The following ANKRD33B variants were observed in gnomAD, a reference collection of about 807,000 sequenced individuals.
The protein encoded by ANKRD33B is ankyrin repeat domain-containing protein 33B.
A neutral mutation model predicts 21.5 loss-of-function variants in ANKRD33B; 6 were observed. The observed-to-expected ratio is 0.28, with a 90% CI of 0.15 to 0.55. The LOEUF (loss-of-function observed/expected upper bound fraction) is 0.55. Among genes scored for constraint, ANKRD33B ranks in the 20% least tolerant of loss-of-function variants. The pLI, the probability that ANKRD33B is intolerant of heterozygous loss-of-function variation, is 0.94. For missense variants in ANKRD33B, 698 were observed against 747.2 expected (o/e 0.93, Z 0.77); for synonymous variants, 347 against 342.4 (o/e 1.01, Z -0.15).
At chr5:10,646,810 T>C (rs1408441155) in intron 3 of ANKRD33B, among the ~76,000 whole-genome samples, 5 of 152,248 alleles carry the variant, frequency 3.3e-5, no homozygotes, top group Admixed American at 3.3e-4. Flanking sequence ...ATGGCTATTC[T>C]TTAATGTGTC....
intron 3 of ANKRD33B, among the ~76,000 whole-genome samples, chr5:10,640,819 G>T (rs773051330): frequency 7.2e-5 from 11 of 152,208 alleles, no homozygotes; most frequent in Non-Finnish European, 1.3e-4. Flanking sequence ...TGGGGAGGCT[G>T]AGAAGTCCAA....
intron 1 of ANKRD33B, among the ~76,000 whole-genome samples, chr5:10,600,862 G>A (rs761654993): frequency 3.3e-5 from 5 of 151,948 alleles, no homozygotes; most frequent in East Asian, 1.9e-4. Flanking sequence ...GGTGTATGGC[G>A]GTATCTCATT....
rs1294616799 is a variant in ANKRD33B, at chr5:10,653,766, C to T, written c.*3653C>T. The T allele has an allele frequency of 6.6e-6, 1 of 152,440 alleles. No homozygotes were observed. Among genetic ancestry groups the T allele is most frequent in the Admixed American group, 6.5e-5 (1 of 15,284 alleles). The allele number at this position is 152,440 out of a possible 1,614,324, so 9.4% of individuals were successfully genotyped here. On this transcript the variant is annotated 3_prime_UTR_variant, in exon 4 of 4. Transcript: ENST00000296657. ...TCGGGTATCTGGTAGTCAGGGGTCTCACAGTGGCCTCTCCAAAAGCCTGGT... is the reference window on the plus strand; with the variant it reads ...TCGGGTATCTGGTAGTCAGGGGTCTTACAGTGGCCTCTCCAAAAGCCTGGT...
In ANKRD33B at chr5:10,653,827, G is replaced by C. The variant is rs910131260; in HGVS notation, c.*3714G>C. ...AACATTTTTCATTTTGTCTGTTTTC[G>C]TTGCTTTGAACAGCTGCATTCACTC... On this transcript the variant is annotated 3_prime_UTR_variant, in exon 4 of 4. Transcript: ENST00000296657. 1.3e-5 allele frequency: 2 copies of C among 152,372 alleles called. No homozygotes were observed. The highest frequency in any genetic ancestry group is 6.5e-5 in the Admixed American group (1 of 15,280). The allele number at this position is 152,372 out of a possible 1,614,324, so 9.4% of individuals were successfully genotyped here.
chr5:10,611,596 C>T (rs969745194), intron 1 of ANKRD33B, among the ~76,000 whole-genome samples: 1 of 152,136 alleles, frequency 6.6e-6, no homozygotes, highest in Non-Finnish European at 1.5e-5. Flanking sequence ...AGGGATTGAC[C>T]CTTGGGTCCT....
At chr5:10,585,150 T>C (rs1223894328) in intron 1 of ANKRD33B, among the ~76,000 whole-genome samples, 1 of 152,220 alleles carries the variant, frequency 6.6e-6, no homozygotes, top group East Asian at 1.9e-4. Flanking sequence ...AAGACCCAAC[T>C]CCAGTGGTAA....
rs1348552188 is a variant in ANKRD33B, at chr5:10,657,342, C to A, written c.*7229C>A. On this transcript the variant is annotated 3_prime_UTR_variant, in exon 4 of 4. Coordinates refer to ENST00000296657, the MANE Select transcript of ANKRD33B (RefSeq NM_001164440.2). ...TAACAAAGATGACTTTATGACCGTTCTAAGGATTGAACAGATTCCTGCACA... is the reference window on the plus strand; with the variant it reads ...TAACAAAGATGACTTTATGACCGTTATAAGGATTGAACAGATTCCTGCACA... 1.3e-5 allele frequency: 2 copies of A among 152,378 alleles called. No individual in the cohort carries two copies. Among genetic ancestry groups the A allele is most frequent in the Admixed American group, 6.5e-5 (1 of 15,292 alleles). The allele number at this position is 152,378 out of a possible 1,614,324, so 9.4% of individuals were successfully genotyped here.
At chr5:10,597,687 T>C (rs555771908) in intron 1 of ANKRD33B, among the ~76,000 whole-genome samples, 16 of 152,294 alleles carry the variant, frequency 1.1e-4, no homozygotes, top group Non-Finnish European at 2.2e-4. Flanking sequence ...CAAGCAGACC[T>C]CATAGATATC....
chr5:10,606,407 C>T (rs1434971534), intron 1 of ANKRD33B, among the ~76,000 whole-genome samples: 3 of 151,980 alleles, frequency 2.0e-5, no homozygotes, highest in South Asian at 2.1e-4. Flanking sequence ...GTTTATTAGG[C>T]ATCTCTTTAT....
intron 2 of ANKRD33B, among the ~76,000 whole-genome samples, chr5:10,634,458 TTTTTTTC>T (rs200240714): frequency 0.016 from 898 of 57,000 alleles, 19 homozygotes; most frequent in Admixed American, 0.073. Context: ...TCAAACTAGA[TTTTTTTC>T]TTTTTTTTTT....
rs1294970829 is a variant in ANKRD33B, at chr5:10,619,851, C to T, written c.496+1389C>T. On this transcript the variant is annotated intron_variant, in intron 2 of 3. Transcript: ENST00000296657. This position sits in a 1 kb window ranked among gnomAD's most constrained non-coding sequence, Gnocchi z 4.5. ...GCAGCTCATGGGACAGAGAAACACA[C>T]GAAGCCCAGCACCATCTGTCTGCCG... Among the ~76,000 whole-genome samples, 2 of 152,174 alleles carry T rather than the reference C, an allele frequency of 1.3e-5. No homozygotes were observed. Among genetic ancestry groups the T allele is most frequent in the Non-Finnish European group, 2.9e-5 (2 of 68,048 alleles).
chr5:10,565,607 T>G (rs1228711185), intron 1 of ANKRD33B, among the ~76,000 whole-genome samples: 1 of 152,090 alleles, frequency 6.6e-6, no homozygotes, highest in Non-Finnish European at 1.5e-5. Flanking sequence ...TATGACCAGA[T>G]TCAGAGAAAA....
chr5:10,651,482 CATT>C lies in ANKRD33B; in HGVS notation c.*1372_*1374del, dbSNP rs1489415995. On this transcript the variant is annotated 3_prime_UTR_variant, in exon 4 of 4. Coordinates refer to ENST00000296657, the MANE Select transcript of ANKRD33B (RefSeq NM_001164440.2). ...TTCTGCATAATTTTGTATTTGTAATCATTATCAGATTTGCAGCATTCTAATTCG... is the reference window on the plus strand; with the variant it reads ...TTCTGCATAATTTTGTATTTGTAATCATCAGATTTGCAGCATTCTAATTCG... 1 of 152,254 alleles carries C rather than the reference CATT, an allele frequency of 6.6e-6. No homozygotes were observed. Among genetic ancestry groups the C allele is most frequent in the African/African-American group, 2.4e-5 (1 of 41,420 alleles). 9.4% of individuals were successfully genotyped at this position (152,254 alleles called of 1,614,324 possible). A position where few individuals can be genotyped will look rare whatever the true frequency, so the allele number is the denominator to read the frequency against.
In ANKRD33B at chr5:10,638,961, T is replaced by C. The variant is rs556482808; in HGVS notation, c.637+793T>C. The stretch of plus-strand genomic sequence containing the variant: ...GCGATATTAGCGGGTGACGCGGAGT[T>C]GCACGGCGATGTTAGCGGGTGACGC... On this transcript the variant is annotated intron_variant, in intron 3 of 3. Transcript: ENST00000296657. Among the ~76,000 whole-genome samples the C allele has an allele frequency of 3.7e-5, 4 of 106,782 alleles. No individual in the cohort carries two copies. In the East Asian group the frequency reaches 9.8e-4, roughly 26 times the overall value. The allele number at this position is 106,782 out of a possible 152,430, so 70.1% of individuals were successfully genotyped here.
rs78742783 is a variant in ANKRD33B at position 10,646,513 on chromosome 5, G to A, written c.638-2753G>A. On this transcript the variant is annotated intron_variant, in intron 3 of 3. Transcript: ENST00000296657. ...GTATTTTCTGAGATCATTTTGAAAAGATAGGTGAACATCAGGACGAAGAGT... is the reference window on the plus strand; with the variant it reads ...GTATTTTCTGAGATCATTTTGAAAAAATAGGTGAACATCAGGACGAAGAGT... Among the ~76,000 whole-genome samples, 1,520 of 152,278 alleles carry A rather than the reference G, an allele frequency of 1.0e-2. 26 individuals carry two copies. Among genetic ancestry groups the A allele is most frequent in the African/African-American group, 0.035 (1,453 of 41,546 alleles).
rs548944104 is a variant in ANKRD33B, at chr5:10,636,934, G to A, written c.497-1094G>A. ...GGTTGTCACAACCTATGCGGGAGTG[G>A]GGGTGGTTGCTACTGGCATCTATCG... On this transcript the variant is annotated intron_variant, in intron 2 of 3. Coordinates refer to ENST00000296657, the MANE Select transcript of ANKRD33B (RefSeq NM_001164440.2). Among the ~76,000 whole-genome samples, 8 of 152,332 alleles carry A rather than the reference G, an allele frequency of 5.3e-5. No homozygotes were observed. In the East Asian group the frequency reaches 1.2e-3, roughly 22 times the overall value.
At position 10,629,915 on chromosome 5, in the gene ANKRD33B, T is replaced by C. The variant is rs544031342; in HGVS notation, c.497-8113T>C. ...AGAACTGACAAATCACCACTGAGTC[T>C]CATTGTAAGAAGGTCACTGGGGACT... On this transcript the variant is annotated intron_variant, in intron 2 of 3. Coordinates refer to ENST00000296657, the MANE Select transcript of ANKRD33B (RefSeq NM_001164440.2). Among the ~76,000 whole-genome samples, 5 of 152,310 alleles carry C rather than the reference T, an allele frequency of 3.3e-5. No individual in the cohort carries two copies. The East Asian group carries it at 9.6e-4, about 29-fold the overall frequency.
Position 10,651,055 on chromosome 5 carries a change from GA to G in ANKRD33B, c.*943del. 1 of 152,266 alleles carries G rather than the reference GA, an allele frequency of 6.6e-6. No individual in the cohort carries two copies. Among genetic ancestry groups the G allele is most frequent in the East Asian group, 1.9e-4 (1 of 5,328 alleles). 9.4% of individuals were successfully genotyped at this position (152,266 alleles called of 1,614,324 possible). Reference sequence around the variant, plus strand: ...CCAGATATCCTTAAAATGTCAAAAAGATGCAACAAGAGTCAGGAGCCCAGAA... The same window carrying G: ...CCAGATATCCTTAAAATGTCAAAAAGTGCAACAAGAGTCAGGAGCCCAGAA... On this transcript the variant is annotated 3_prime_UTR_variant, in exon 4 of 4. Coordinates refer to ENST00000296657, the MANE Select transcript of ANKRD33B (RefSeq NM_001164440.2).
chr5:10,593,951 T>C (rs1194625046), intron 1 of ANKRD33B, among the ~76,000 whole-genome samples: 1 of 152,200 alleles, frequency 6.6e-6, no homozygotes, highest in Non-Finnish European at 1.5e-5. Flanking sequence ...TCTGGTCCCG[T>C]GGCAAGGCAG....
Sources: allele counts gnomAD v4.1 joint callset (sites outside exome capture counted in the v4.1 genomes callset), GRCh38; gene constraint gnomAD v4.1.1; non-coding constraint Gnocchi (gnomAD v3.1); transcripts MANE v1.5; gene names NCBI Gene and HGNC (gene_info 2026-07-23, HGNC 2026-07-21).